LSAMP: variants seen among roughly 807,000 people sequenced by gnomAD.
LSAMP encodes the protein limbic system associated membrane protein.
Under a neutral mutation model 38.6 loss-of-function variants are expected in LSAMP, and 7 were observed. That is an observed-to-expected ratio of 0.18 (90% CI 0.10 to 0.34). The LOEUF is 0.34. Ranked by LOEUF, LSAMP falls within the 10% of genes least tolerant of loss-of-function variation. The pLI, the probability that LSAMP is intolerant of heterozygous loss-of-function variation, is 1.00. For missense variants in LSAMP, 313 were observed against 420.0 expected (o/e 0.75, Z 2.23); for synonymous variants, 154 against 166.8 (o/e 0.92, Z 0.59).
chr3:116,203,706 CA>C (rs1339242946), intron 1 of LSAMP, among the ~76,000 whole-genome samples: 3 of 151,754 alleles, frequency 2.0e-5, no homozygotes, highest in Non-Finnish European at 4.4e-5. Context: ...CAATTTCATC[CA>C]TGTCCCTACA....
At chr3:115,881,329 T>C (rs1022550132) in intron 3 of LSAMP, among the ~76,000 whole-genome samples, 1 of 152,184 alleles carries the variant, frequency 6.6e-6, no homozygotes. Flanking sequence ...CTGTGCCTTC[T>C]AACATTTGAG....
intron 1 of LSAMP, among the ~76,000 whole-genome samples, chr3:116,249,140 C>G (rs575447592): frequency 1.1e-5 from 1 of 91,632 alleles, no homozygotes; most frequent in South Asian, 5.6e-4. Context: ...CAGAGCGAGA[C>G]TCTGTCTCAA....
chr3:116,272,445 T>G (rs1436332405), intron 1 of LSAMP, among the ~76,000 whole-genome samples: 1 of 152,148 alleles, frequency 6.6e-6, no homozygotes, highest in Non-Finnish European at 1.5e-5. Context: ...AGTCAATCCT[T>G]TGATAATGGC....
At chr3:115,943,914 T>C (rs555540037) in intron 3 of LSAMP, among the ~76,000 whole-genome samples, 1 of 152,250 alleles carries the variant, frequency 6.6e-6, no homozygotes, top group Non-Finnish European at 1.5e-5. Context: ...TCTAGGAAAA[T>C]ACATCTTGTA....
At chr3:116,290,706 G>C (rs1317229949) in intron 1 of LSAMP, among the ~76,000 whole-genome samples, 1 of 149,532 alleles carries the variant, frequency 6.7e-6, no homozygotes, top group Admixed American at 6.7e-5. Context: ...CTCCAGCCTG[G>C]GTGACAGAGC....
intron 1 of LSAMP, among the ~76,000 whole-genome samples, chr3:116,291,623 T>C (rs751194066): frequency 2.0e-5 from 3 of 152,196 alleles, no homozygotes; most frequent in African/African-American, 2.4e-5. Context: ...GGGGTAGGGA[T>C]CTATCTAAAC....
At chr3:116,023,321 A>C (rs1940690031) in intron 2 of LSAMP, among the ~76,000 whole-genome samples, 1 of 151,904 alleles carries the variant, frequency 6.6e-6, no homozygotes. Flanking sequence ...TCGGCCAGGT[A>C]CGGTGGCTCA....
At chr3:116,030,938 A>T (rs1170102558) in intron 2 of LSAMP, among the ~76,000 whole-genome samples, 1 of 152,148 alleles carries the variant, frequency 6.6e-6, no homozygotes, top group East Asian at 1.9e-4. Flanking sequence ...ACATATCCTT[A>T]AAAACTTCAA....
intron 1 of LSAMP, among the ~76,000 whole-genome samples, chr3:116,349,801 A>G (rs1290122203): frequency 1.3e-5 from 2 of 152,036 alleles, no homozygotes; most frequent in Non-Finnish European, 2.9e-5. Flanking sequence ...CTAGCTTCAC[A>G]CAGGGTGGTG....
chr3:116,445,435 C>A lies in LSAMP; in HGVS notation c.-404G>T, dbSNP rs933349415. 27 of 362,308 alleles carry A rather than the reference C, an allele frequency of 7.5e-5. No homozygotes were observed. Among genetic ancestry groups the A allele is most frequent in the Non-Finnish European group, 1.0e-4 (21 of 202,830 alleles). The allele number at this position is 362,308 out of a possible 1,614,324, so 22.4% of individuals were successfully genotyped here. On this transcript the variant is annotated 5_prime_UTR_variant, in exon 1 of 7. Coordinates refer to ENST00000490035, the MANE Select transcript of LSAMP (RefSeq NM_002338.5). Reference sequence around the variant, plus strand: ...TTTCCCAGGCTGGCGGGCGGGCGGGCGAGGGAGCCGGCACCAAGCCTGCCA... The same window carrying A: ...TTTCCCAGGCTGGCGGGCGGGCGGGAGAGGGAGCCGGCACCAAGCCTGCCA...
At chr3:116,195,477 A>C (rs972692640) in intron 1 of LSAMP, among the ~76,000 whole-genome samples, 7 of 152,186 alleles carry the variant, frequency 4.6e-5, no homozygotes, top group African/African-American at 1.7e-4. Context: ...ATACAATTCA[A>C]CTATCTCACC....
At chr3:115,821,447 G>C (rs1045120368) in intron 6 of LSAMP, among the ~76,000 whole-genome samples, 7 of 152,202 alleles carry the variant, frequency 4.6e-5, no homozygotes, top group Non-Finnish European at 1.0e-4. Context: ...GTAACGTAGA[G>C]TTTGGGGAGT....
intron 1 of LSAMP, among the ~76,000 whole-genome samples, chr3:116,171,604 A>C (rs769231429): frequency 2.2e-4 from 34 of 152,140 alleles, no homozygotes; most frequent in Non-Finnish European, 4.7e-4. Context: ...TAAAAGCACA[A>C]CTTCTTATCA....
intron 4 of LSAMP, among the ~76,000 whole-genome samples, chr3:115,848,216 G>C (rs1278155905): frequency 6.6e-6 from 1 of 152,186 alleles, no homozygotes; most frequent in African/African-American, 2.4e-5. Context: ...TTAAGGTCAA[G>C]AGTTTGAGAT....
At chr3:115,960,011 T>A (rs1043459754) in intron 3 of LSAMP, among the ~76,000 whole-genome samples, 2 of 152,184 alleles carry the variant, frequency 1.3e-5, no homozygotes, top group Non-Finnish European at 2.9e-5. Context: ...TACGCCATGC[T>A]GACTGGTGAA....
intron 3 of LSAMP, among the ~76,000 whole-genome samples, chr3:115,916,044 A>G (rs962238381): frequency 6.6e-6 from 1 of 151,696 alleles, no homozygotes; most frequent in African/African-American, 2.4e-5. Flanking sequence ...CATGAGTGAG[A>G]TTTTTTTTTA....
chr3:116,037,970 G>C (rs1235282498), intron 2 of LSAMP, among the ~76,000 whole-genome samples: 1 of 152,036 alleles, frequency 6.6e-6, no homozygotes, highest in Non-Finnish European at 1.5e-5. Flanking sequence ...TCCTTATATG[G>C]ATGAACATAA....
intron 1 of LSAMP, among the ~76,000 whole-genome samples, chr3:116,283,534 A>T (rs1324555821): frequency 3.9e-5 from 6 of 152,184 alleles, no homozygotes; most frequent in Non-Finnish European, 7.3e-5. Context: ...TTTCTTATCT[A>T]ACCTCATCTG....
chr3:116,263,119 C>T (rs774638271), intron 1 of LSAMP, among the ~76,000 whole-genome samples: 14 of 152,122 alleles, frequency 9.2e-5, no homozygotes, highest in Non-Finnish European at 1.6e-4. Context: ...AAAATGTTAG[C>T]GTGGGACCAC....
Sources: allele counts gnomAD v4.1 joint callset (sites outside exome capture counted in the v4.1 genomes callset), GRCh38; gene constraint gnomAD v4.1.1; transcripts MANE v1.5; gene names NCBI Gene and HGNC (gene_info 2026-07-23, HGNC 2026-07-21).